Variants in KIAA1614 observed in about 807,000 individuals in gnomAD.
KIAA1614 encodes the protein KIAA1614.
KIAA1614 carries 76 observed loss-of-function variants against 88.7 expected under a neutral mutation model. That is an observed-to-expected ratio of 0.86 (90% confidence interval 0.71 to 1.04). KIAA1614 has a LOEUF of 1.04. Ranked by LOEUF, KIAA1614 falls within the 50% of genes least tolerant of loss-of-function variation. KIAA1614 has a pLI of 0.00. For synonymous variants in KIAA1614, 714 were observed against 675.5 expected (o/e 1.06, Z -0.88); for missense variants, 1,553 against 1,582.5 (o/e 0.98, Z 0.32).
intron 4 of KIAA1614, 25 bp downstream of exon 4, chr1:180,928,598 G>T (rs537088072): frequency 1.2e-6 from 2 of 1,604,250 alleles, no homozygotes; most frequent in African/African-American, 2.7e-5. Flanking sequence ...GGCCAGGCTA[G>T]CCTGGGAGGG....
rs775589298 is a variant in KIAA1614, at chr1:180,938,619, C to T, written c.2826C>T (p.Leu942=). Residue 942 remains leucine (L), a synonymous_variant, in exon 6 of 9, where the codon CTC becomes CTT. Coordinates refer to ENST00000367588, the MANE Select transcript of KIAA1614 (RefSeq NM_020950.2). ...CCATCAACTCCACGGGCATCACCCT[C>T]TCCCTGTCCTCAGAGGAGTCAGAGT... ...VATINSTGIT[L]SLSSEESESS... 2 of 1,614,134 alleles carry T rather than the reference C, an allele frequency of 1.2e-6. No homozygotes were observed. The highest frequency in any genetic ancestry group is 1.7e-6 in the Non-Finnish European group (2 of 1,179,980).
rs749698317 is a variant in KIAA1614 at position 180,941,263 on chromosome 1, C to G, written c.3137C>G (p.Pro1046Arg). ...GGCCTGACGTCACAGTCCAGGGCCC[C>G]ATCGTTACAATCCCTGCACCCGGTG... ...PPGLTSQSRA[P>R]SLQSLHPVSP... The change falls in exon 7 of 9, where the codon CCA (proline) becomes CGA (arginine). Residue 1046 changes from proline to arginine, a missense_variant. Coordinates refer to ENST00000367588, the MANE Select transcript of KIAA1614 (RefSeq NM_020950.2). The G allele has an allele frequency of 1.2e-6, 2 of 1,611,154 alleles. No individual in the cohort carries two copies. The highest frequency in any genetic ancestry group is 1.7e-6 in the Non-Finnish European group (2 of 1,178,116).
Position 180,936,796 on chromosome 1 carries a change from A to G in KIAA1614, c.2761+126A>G, listed in dbSNP as rs183950417. ...CCTTTTATCTCAATAGTCAGATGGC[A>G]GCGTCACATACCACCTCGGCAGCTC... On this transcript the variant is annotated intron_variant, in intron 5 of 8. Coordinates refer to ENST00000367588, the MANE Select transcript of KIAA1614 (RefSeq NM_020950.2). The G allele has an allele frequency of 1.8e-3, 1,127 of 631,932 alleles. 2 individuals are homozygous for G. Among genetic ancestry groups the G allele is most frequent in the Admixed American group, 2.6e-3 (78 of 29,438 alleles). 39.1% of individuals were successfully genotyped at this position (631,932 alleles called of 1,614,324 possible). A position where few individuals can be genotyped will look rare whatever the true frequency, so the allele number is the denominator to read the frequency against.
chr1:180,938,848 A>G, intron 6 of KIAA1614, 137 bp downstream of exon 6: 1 of 740,688 alleles, frequency 1.4e-6, no homozygotes, highest in Admixed American at 2.9e-5. Context: ...GACTGTGAAC[A>G]AGCCTGGCAG....
intron 4 of KIAA1614, among the ~76,000 whole-genome samples, chr1:180,930,306 C>G (rs1654169827): frequency 6.6e-6 from 1 of 152,084 alleles, no homozygotes; most frequent in South Asian, 2.1e-4. Flanking sequence ...GTAGTCCCAG[C>G]TACTTGGGAG....
In KIAA1614 at chr1:180,945,646, C is replaced by T. The variant is rs899555276; in HGVS notation, c.*58C>T. 1.5e-4 allele frequency: 230 copies of T among 1,510,820 alleles called. No homozygotes were observed. Among genetic ancestry groups the T allele is most frequent in the Middle Eastern group, 1.1e-3 (6 of 5,358 alleles). 93.6% of individuals were successfully genotyped at this position (1,510,820 alleles called of 1,614,324 possible). A position where few individuals can be genotyped will look rare whatever the true frequency, so the allele number is the denominator to read the frequency against. ...GACTACAGGACTAGGCTTCTCCCCT[C>T]AGGGGCTCTTTCTGAATTGTCCAGG... On this transcript the variant is annotated 3_prime_UTR_variant, in exon 9 of 9. Transcript: ENST00000367588.
At position 180,935,433 on chromosome 1, in the gene KIAA1614, G is replaced by A. The variant is rs1456803988; in HGVS notation, c.1524G>A (p.Gly508=). 1.4e-6 allele frequency: 2 copies of A among 1,479,324 alleles called. No homozygotes were observed. The highest frequency in any genetic ancestry group is 2.4e-5 in the East Asian group (1 of 42,402). 91.6% of individuals were successfully genotyped at this position (1,479,324 alleles called of 1,614,324 possible). The stretch of plus-strand genomic sequence containing the variant: ...GGGCTCCCCGGCTCCGGGACGCGGG[G>A]CAGGGGACATTCCACAGGCTTGTGG... ...INGAPRLRDA[G]QGTFHRLVGS... Residue 508 remains glycine (G), a synonymous_variant, in exon 5 of 9, where the codon GGG becomes GGA. Coordinates refer to ENST00000367588, the MANE Select transcript of KIAA1614 (RefSeq NM_020950.2). The surrounding 1 kb of genome is among the most constrained non-coding windows in gnomAD (Gnocchi z 6.1).
Position 180,935,366 on chromosome 1 carries a change from G to GC in KIAA1614, c.1462dup (p.Leu488ProfsTer132). The GC allele has an allele frequency of 6.8e-7, 1 of 1,463,660 alleles. No homozygotes were observed. Among genetic ancestry groups the GC allele is most frequent in the Non-Finnish European group, 9.0e-7 (1 of 1,113,600 alleles). The allele number at this position is 1,463,660 out of a possible 1,614,324, so 90.7% of individuals were successfully genotyped here. A position where few individuals can be genotyped will look rare whatever the true frequency, so the allele number is the denominator to read the frequency against. On this transcript the variant is annotated frameshift_variant, in exon 5 of 9. Coordinates refer to ENST00000367588, the MANE Select transcript of KIAA1614 (RefSeq NM_020950.2). LOFTEE classifies it high-confidence loss of function. The surrounding 1 kb of genome is among the most constrained non-coding windows in gnomAD (Gnocchi z 6.1). ...ACCGTGTTGCAGGCCGCGGACCAGG[G>GC]CCCCCTGCGCTCCAAGCCCGACCTC...
chr1:180,928,503 C>T lies in KIAA1614; in HGVS notation c.1135C>T (p.Arg379Cys), dbSNP rs377093090. The T allele has an allele frequency of 6.3e-5, 102 of 1,613,028 alleles. No individual in the cohort carries two copies. The highest frequency in any genetic ancestry group is 2.0e-4 in the Admixed American group (12 of 60,004). ...EEATHLLQRA[R>C]MKARTRPLRA... ...AGCCACGCATCTGCTGCAGCGTGCCCGCATGAAGGCCAGGACCCGGCCCCT... is the reference window on the plus strand; with the variant it reads ...AGCCACGCATCTGCTGCAGCGTGCCTGCATGAAGGCCAGGACCCGGCCCCT... The change falls in exon 4 of 9, where the codon CGC becomes TGC. Residue 379 changes from arginine (R) to cysteine (C), a missense_variant. By Grantham distance (180) the Arg-to-Cys change is radical. Coordinates refer to ENST00000367588, the MANE Select transcript of KIAA1614 (RefSeq NM_020950.2).
In KIAA1614 at chr1:180,935,316, G is replaced by GTAGCGC. The variant is rs1654295252; in HGVS notation, c.1407_1408insTAGCGC (p.Gln469_Gln470insTer). Reference sequence around the variant, plus strand: ...AGTTCCGTCACCTGGAGCGGCTGCAGCAGCGCCAGCGCCAGGTGCTGAGCA... The same window carrying GTAGCGC: ...AGTTCCGTCACCTGGAGCGGCTGCAGTAGCGCCAGCGCCAGCGCCAGGTGCTGAGCA... On this transcript the variant is annotated stop_gained and inframe_insertion, in exon 5 of 9. Coordinates refer to ENST00000367588, the MANE Select transcript of KIAA1614 (RefSeq NM_020950.2). LOFTEE classifies it high-confidence loss of function. This position sits in a 1 kb window ranked among gnomAD's most constrained non-coding sequence, Gnocchi z 6.1. The GTAGCGC allele has an allele frequency of 6.7e-7, 1 of 1,482,466 alleles. No homozygotes were observed. Among genetic ancestry groups the GTAGCGC allele is most frequent in the African/African-American group, 1.5e-5 (1 of 68,588 alleles). The allele number at this position is 1,482,466 out of a possible 1,614,324, so 91.8% of individuals were successfully genotyped here. A position where few individuals can be genotyped will look rare whatever the true frequency, so the allele number is the denominator to read the frequency against.
chr1:180,945,838 C>T lies in KIAA1614; in HGVS notation c.*250C>T, dbSNP rs567808146. ...TAGAAGCTTAGGCCGGGCGCAGTGG[C>T]TCATGCCTGTAATCCCAGAACTTTG... On this transcript the variant is annotated 3_prime_UTR_variant, in exon 9 of 9. Coordinates refer to ENST00000367588, the MANE Select transcript of KIAA1614 (RefSeq NM_020950.2). The T allele has an allele frequency of 4.0e-6, 5 of 1,263,962 alleles. No individual in the cohort carries two copies. Among genetic ancestry groups the T allele is most frequent in the South Asian group, 4.7e-5 (2 of 42,764 alleles). The allele number at this position is 1,263,962 out of a possible 1,614,324, so 78.3% of individuals were successfully genotyped here. A position where few individuals can be genotyped will look rare whatever the true frequency, so the allele number is the denominator to read the frequency against.
In KIAA1614 at chr1:180,928,527, C is replaced by G. The variant is rs753067965; in HGVS notation, c.1159C>G (p.Leu387Val). Residue 387 changes from leucine (L) to valine (V), a missense_variant, in exon 4 of 9, where the codon CTC becomes GTC. Coordinates refer to ENST00000367588, the MANE Select transcript of KIAA1614 (RefSeq NM_020950.2). ...CCGCATGAAGGCCAGGACCCGGCCC[C>G]TCCGTGCCAGCCATGACATCGTGCC... ...RARMKARTRP[L>V]RASHDIVPTI... The G allele has an allele frequency of 6.2e-7, 1 of 1,613,006 alleles. No homozygotes were observed. The highest frequency in any genetic ancestry group is 1.7e-5 in the Admixed American group (1 of 60,018).
rs1194600058 is a variant in KIAA1614, at chr1:180,928,473, G to A, written c.1105G>A (p.Glu369Lys). ...NPEPVLSPRH[E>K]EATHLLQRAR... Reference sequence around the variant, plus strand: ...GGAGCCTGTGCTGAGCCCCAGGCATGAGGAAGCCACGCATCTGCTGCAGCG... The same window carrying A: ...GGAGCCTGTGCTGAGCCCCAGGCATAAGGAAGCCACGCATCTGCTGCAGCG... The change falls in exon 4 of 9, where the codon GAG (glutamate) becomes AAG (lysine). Residue 369 changes from glutamate to lysine, a missense_variant. Physicochemically the swap from Glu to Lys is moderately conservative, Grantham distance 56. Coordinates refer to ENST00000367588, the MANE Select transcript of KIAA1614 (RefSeq NM_020950.2). 12 of 1,613,302 alleles carry A rather than the reference G, an allele frequency of 7.4e-6. No homozygotes were observed. The highest frequency in any genetic ancestry group is 9.3e-6 in the Non-Finnish European group (11 of 1,179,978).
At position 180,950,425 on chromosome 1, in the gene KIAA1614, G is replaced by C; in HGVS notation, c.*4837G>C. 8.2e-7 allele frequency: 1 copy of C among 1,213,006 alleles called. No individual in the cohort carries two copies. Among genetic ancestry groups the C allele is most frequent in the Non-Finnish European group, 1.1e-6 (1 of 950,620 alleles). The allele number at this position is 1,213,006 out of a possible 1,614,324, so 75.1% of individuals were successfully genotyped here. ...GGGTGGGCGATGAGATCCTCGAGGT[G>C]AACGGGGCCAAGGTGGCAGGGCTGG... On this transcript the variant is annotated 3_prime_UTR_variant, in exon 9 of 9. Transcript: ENST00000367588.
rs1571593 is a variant in KIAA1614 at position 180,949,204 on chromosome 1, C to G, written c.*3616C>G. 142,831 of 152,454 alleles carry G rather than the reference C, an allele frequency of 0.94. 67,424 individuals carry two copies. The highest frequency in any genetic ancestry group is 0.99 in the Non-Finnish European group (67,708 of 68,136). The allele number at this position is 152,454 out of a possible 1,614,324, so 9.4% of individuals were successfully genotyped here. On this transcript the variant is annotated 3_prime_UTR_variant, in exon 9 of 9. Coordinates refer to ENST00000367588, the MANE Select transcript of KIAA1614 (RefSeq NM_020950.2). ...ATGCAGAGTGAGCCGAGCTGGGCTGCGAACAGCGAGGGTGCCAAAGGCTGC... is the reference window on the plus strand; with the variant it reads ...ATGCAGAGTGAGCCGAGCTGGGCTGGGAACAGCGAGGGTGCCAAAGGCTGC...
intron 4 of KIAA1614, among the ~76,000 whole-genome samples, chr1:180,932,763 TA>T (rs373684626): frequency 0.96 from 146,381 of 152,198 alleles, 70,650 homozygotes; most frequent in East Asian, 1. Context: ...TCTTGCTCTG[TA>T]TGGAGTGTAG....
At chr1:180,933,319 T>G (rs1654243179) in intron 4 of KIAA1614, among the ~76,000 whole-genome samples, 1 of 152,186 alleles carries the variant, frequency 6.6e-6, no homozygotes, top group Non-Finnish European at 1.5e-5. Flanking sequence ...GTGGGGAGCC[T>G]GCATTTTCCC....
At chr1:180,929,470 G>A (rs900644687) in intron 4 of KIAA1614, among the ~76,000 whole-genome samples, 1 of 152,182 alleles carries the variant, frequency 6.6e-6, no homozygotes, top group African/African-American at 2.4e-5. Flanking sequence ...GTTGGATACA[G>A]GATCTTTAGA....
chr1:180,926,690 C>T (rs73049919), intron 3 of KIAA1614, among the ~76,000 whole-genome samples: 6,262 of 152,296 alleles, frequency 0.041, 286 homozygotes, highest in East Asian at 0.25. Flanking sequence ...TCCGAGTGTG[C>T]GGGCTGGCAG....
Sources: allele counts gnomAD v4.1 joint callset (sites outside exome capture counted in the v4.1 genomes callset), GRCh38; gene constraint gnomAD v4.1.1; non-coding constraint Gnocchi (gnomAD v3.1); transcripts MANE v1.5; gene names NCBI Gene and HGNC (gene_info 2026-07-23, HGNC 2026-07-21).